PTPN5: variants seen among roughly 807,000 people sequenced by gnomAD.
PTPN5 encodes tyrosine-protein phosphatase non-receptor type 5.
A neutral mutation model predicts 73.9 loss-of-function variants in PTPN5; 29 were observed. That is an observed-to-expected ratio of 0.39 (90% CI 0.29 to 0.54). PTPN5 has a LOEUF of 0.54. Among genes scored for constraint, PTPN5 ranks in the 20% least tolerant of loss-of-function variants. PTPN5 has a pLI of 0.65. For missense variants in PTPN5, 652 were observed against 751.4 expected, an observed-to-expected ratio of 0.87 and a Z score of 1.55; for synonymous variants, 267 against 304.7, an observed-to-expected ratio of 0.88 and a Z score of 1.29.
chr11:18,763,151 C>T (rs1325874210), intron 3 of PTPN5, among the ~76,000 whole-genome samples: 3 of 152,176 alleles, frequency 2.0e-5, no homozygotes, highest in African/African-American at 7.2e-5. Context: ...TAGAGGGTCA[C>T]ACAACTTGCT....
At position 18,743,051 on chromosome 11, in the gene PTPN5, C is replaced by G. The variant is rs1299968773; in HGVS notation, c.424G>C (p.Gly142Arg). 6 of 1,551,564 alleles carry G rather than the reference C, an allele frequency of 3.9e-6. No individual in the cohort carries two copies. The East Asian group carries it at 1.5e-4, about 38-fold the overall frequency. ...PTAWLDSGTWGVPSLLLVFLS... is the reference protein window; with the variant it reads ...PTAWLDSGTWRVPSLLLVFLS... ...AAGACCAGCAGCAGACTGGGGACTC[C>G]CCACGTCCCAGAGTCAAGCCAGGCC... Residue 142 changes from glycine to arginine, a missense_variant, in exon 6 of 15, where the codon GGA becomes CGA. Coordinates refer to ENST00000358540, the MANE Select transcript of PTPN5 (RefSeq NM_006906.2).
chr11:18,788,777 G>C (rs553951603), intron 1 of PTPN5, among the ~76,000 whole-genome samples: 40 of 152,320 alleles, frequency 2.6e-4, no homozygotes, highest in Non-Finnish European at 4.7e-4. Flanking sequence ...TGGAGGCCTA[G>C]CTCTCTGGAT....
intron 3 of PTPN5, among the ~76,000 whole-genome samples, chr11:18,746,162 AATATATATATAT>A (rs773490900): frequency 5.3e-4 from 36 of 67,672 alleles, no homozygotes; most frequent in East Asian, 2.8e-3. Flanking sequence ...TATAAATATA[AATATATATATAT>A]ATATATATAT....
Position 18,728,860 on chromosome 11 carries a change from C to T in PTPN5, c.*74G>A. 1.4e-6 allele frequency: 2 copies of T among 1,479,076 alleles called. No individual in the cohort carries two copies. Among genetic ancestry groups the T allele is most frequent in the Non-Finnish European group, 1.8e-6 (2 of 1,085,342 alleles). 91.6% of individuals were successfully genotyped at this position (1,479,076 alleles called of 1,614,324 possible). On this transcript the variant is annotated 3_prime_UTR_variant, in exon 15 of 15. Coordinates refer to ENST00000358540, the MANE Select transcript of PTPN5 (RefSeq NM_006906.2). This position sits in a 1 kb window ranked among gnomAD's most constrained non-coding sequence, Gnocchi z 4.1. ...AGGAAGCGGGGAGCAGGCCCAGGAC[C>T]CGAGGCAGGGCCCTGGGTGAGGGCC...
At chr11:18,778,939 C>T (rs1484936474) in intron 1 of PTPN5, among the ~76,000 whole-genome samples, 1 of 152,188 alleles carries the variant, frequency 6.6e-6, no homozygotes, top group Non-Finnish European at 1.5e-5. Context: ...TTCCCTCATG[C>T]TGCCCTGGGC....
At chr11:18,754,615 T>C (rs1850043744) in intron 3 of PTPN5, among the ~76,000 whole-genome samples, 1 of 152,238 alleles carries the variant, frequency 6.6e-6, no homozygotes, top group Non-Finnish European at 1.5e-5. Flanking sequence ...TCACCAGCTA[T>C]CACTCTTGCT....
chr11:18,763,998 T>C (rs1469513754), intron 3 of PTPN5, among the ~76,000 whole-genome samples: 1 of 152,200 alleles, frequency 6.6e-6, no homozygotes, highest in Non-Finnish European at 1.5e-5. Flanking sequence ...AGATTTCTTC[T>C]AGTCAGTGGT....
At chr11:18,746,020 C>T (rs553570156) in intron 3 of PTPN5, among the ~76,000 whole-genome samples, 4 of 151,480 alleles carry the variant, frequency 2.6e-5, no homozygotes, top group South Asian at 4.2e-4. Context: ...CAGCATGTAG[C>T]GTAAGTCCTG....
intron 1 of PTPN5, among the ~76,000 whole-genome samples, chr11:18,778,460 C>T (rs1851272336): frequency 6.6e-6 from 1 of 152,174 alleles, no homozygotes; most frequent in Non-Finnish European, 1.5e-5. Flanking sequence ...TGTCCCCACC[C>T]AAATCTCATG....
chr11:18,771,858 G>A (rs1308625562), intron 2 of PTPN5, 81 bp downstream of exon 2: 51 of 1,202,226 alleles, frequency 4.2e-5, no homozygotes, highest in South Asian at 1.0e-4. Flanking sequence ...AATGGGTCAC[G>A]TGTCCCAGAG....
In PTPN5 at chr11:18,729,305, G is replaced by A; in HGVS notation, c.1604+148C>T. The A allele has an allele frequency of 3.2e-6, 2 of 630,492 alleles. No individual in the cohort carries two copies. The highest frequency in any genetic ancestry group is 3.7e-5 in the South Asian group (2 of 54,594). 39.1% of individuals were successfully genotyped at this position (630,492 alleles called of 1,614,324 possible). The stretch of plus-strand genomic sequence containing the variant: ...CTGGATCCTGCCCCTCTACCCAGCT[G>A]TCCTCGCTACTCCTTGTCTGCCCAT... On this transcript the variant is annotated intron_variant, in intron 14 of 14. Coordinates refer to ENST00000358540, the MANE Select transcript of PTPN5 (RefSeq NM_006906.2). This position sits in a 1 kb window ranked among gnomAD's most constrained non-coding sequence, Gnocchi z 5.2.
intron 3 of PTPN5, among the ~76,000 whole-genome samples, chr11:18,756,931 A>C (rs10832977): frequency 0.18 from 24,112 of 135,434 alleles, 2,161 homozygotes; most frequent in East Asian, 0.35. Context: ...CAAAAAAAAA[A>C]AAAAACCAAA....
rs564097476 is a variant in PTPN5 at position 18,790,699 on chromosome 11, G to A, written c.-114+826C>T. On this transcript the variant is annotated intron_variant, in intron 1 of 14. Coordinates refer to ENST00000358540, the MANE Select transcript of PTPN5 (RefSeq NM_006906.2). ...ACACACTTTCGTGGTACACTCAGGT[G>A]AATTTTGGGGTTCTGGGGCTTCAAT... Among the ~76,000 whole-genome samples, 12 of 152,250 alleles carry A rather than the reference G, an allele frequency of 7.9e-5. No individual in the cohort carries two copies. In the South Asian group the frequency reaches 2.5e-3, roughly 32 times the overall value.
At chr11:18,752,696 T>C (rs573094170) in intron 3 of PTPN5, among the ~76,000 whole-genome samples, 157 of 152,328 alleles carry the variant, frequency 1.0e-3, no homozygotes, top group Non-Finnish European at 1.9e-3. Context: ...CTCTTTGGCG[T>C]GGAGGCCCAG....
chr11:18,762,895 A>G (rs755341485), intron 3 of PTPN5, among the ~76,000 whole-genome samples: 27 of 152,148 alleles, frequency 1.8e-4, no homozygotes, highest in Admixed American at 6.5e-4. Flanking sequence ...AGCACATAAT[A>G]CTGTCCTGGG....
chr11:18,757,823 T>C (rs1410199476), intron 3 of PTPN5, among the ~76,000 whole-genome samples: 1 of 152,290 alleles, frequency 6.6e-6, no homozygotes, highest in African/African-American at 2.4e-5. Flanking sequence ...TTCGTCAGAG[T>C]GGAAGGACAA....
intron 3 of PTPN5, among the ~76,000 whole-genome samples, chr11:18,762,898 G>A (rs79139520): frequency 0.013 from 1,982 of 152,276 alleles, 29 homozygotes; most frequent in African/African-American, 0.035. Context: ...ACATAATACT[G>A]TCCTGGGAGG....
chr11:18,779,854 A>T (rs577437349), intron 1 of PTPN5, among the ~76,000 whole-genome samples: 1 of 152,212 alleles, frequency 6.6e-6, no homozygotes, highest in Non-Finnish European at 1.5e-5. Flanking sequence ...CACTTTCTCC[A>T]CAAGGGGCCT....
chr11:18,749,333 G>GGAATCA, intron 3 of PTPN5: 1 of 516,856 alleles, frequency 1.9e-6, no homozygotes, highest in Non-Finnish European at 3.9e-6. Context: ...TCAAGGCTTA[G>GGAATCA]AGAGGTTAAG....
Sources: allele counts gnomAD v4.1 joint callset (sites outside exome capture counted in the v4.1 genomes callset), GRCh38; gene constraint gnomAD v4.1.1; non-coding constraint Gnocchi (gnomAD v3.1); transcripts MANE v1.5; gene names NCBI Gene and HGNC (gene_info 2026-07-23, HGNC 2026-07-21).